The following SLC9A9 variants were observed in gnomAD, a reference collection of about 807,000 sequenced individuals.
The protein encoded by SLC9A9 is sodium/hydrogen exchanger 9.
A neutral mutation model predicts 77.8 loss-of-function variants in SLC9A9; 62 were observed. The observed-to-expected ratio is 0.80, with a 90% CI of 0.65 to 0.98. The LOEUF is 0.98. Ranked by LOEUF, SLC9A9 falls within the 50% of genes least tolerant of loss-of-function variation. SLC9A9 has a pLI of 0.00. For missense variants in SLC9A9, 775 were observed against 774.9 expected (o/e 1.00, Z 0.00); for synonymous variants, 320 against 283.5 (o/e 1.13, Z -1.29).
intron 12 of SLC9A9, among the ~76,000 whole-genome samples, chr3:143,455,016 C>T (rs991591330): frequency 2.6e-5 from 4 of 152,178 alleles, no homozygotes; most frequent in Admixed American, 2.0e-4. Context: ...ATTTCAAAGT[C>T]TACTGTGTCA....
intron 9 of SLC9A9, among the ~76,000 whole-genome samples, chr3:143,503,081 T>C (rs2108598114): frequency 6.6e-6 from 1 of 152,312 alleles, no homozygotes; most frequent in South Asian, 2.1e-4. Flanking sequence ...TTGGGCTGAG[T>C]ACGGGGACTC....
chr3:143,799,184 A>G (rs944085581), intron 2 of SLC9A9, among the ~76,000 whole-genome samples: 10 of 152,184 alleles, frequency 6.6e-5, no homozygotes, highest in Admixed American at 1.3e-4. Context: ...TTCATCAAGT[A>G]TAAAAACCCA....
intron 14 of SLC9A9, among the ~76,000 whole-genome samples, chr3:143,325,405 C>T (rs1309068178): frequency 6.6e-6 from 1 of 152,212 alleles, no homozygotes; most frequent in Non-Finnish European, 1.5e-5. Context: ...TTTCCTAACC[C>T]TCTATAACCT....
intron 8 of SLC9A9, among the ~76,000 whole-genome samples, chr3:143,556,133 TTTAA>T (rs1210521970): frequency 6.6e-6 from 1 of 152,206 alleles, no homozygotes; most frequent in Admixed American, 6.5e-5. Context: ...GAAAGAACAT[TTTAA>T]TTATCACTAT....
intron 9 of SLC9A9, among the ~76,000 whole-genome samples, chr3:143,549,312 G>A (rs1174764800): frequency 3.3e-5 from 5 of 152,160 alleles, no homozygotes; most frequent in Admixed American, 6.5e-5. Context: ...GTTTACTACA[G>A]TATGGGATGT....
chr3:143,410,266 C>T (rs1039714574), intron 12 of SLC9A9, among the ~76,000 whole-genome samples: 2 of 152,164 alleles, frequency 1.3e-5, no homozygotes, highest in Non-Finnish European at 2.9e-5. Context: ...CAGCCCTGTA[C>T]TGGGGACACA....
chr3:143,543,611 A>G (rs1453089773), intron 9 of SLC9A9, among the ~76,000 whole-genome samples: 1 of 151,950 alleles, frequency 6.6e-6, no homozygotes, highest in East Asian at 1.9e-4. Flanking sequence ...CCCAACGTTT[A>G]TCTCCCATTT....
At chr3:143,598,089 C>T (rs899476260) in intron 6 of SLC9A9, among the ~76,000 whole-genome samples, 1 of 152,040 alleles carries the variant, frequency 6.6e-6, no homozygotes, top group Non-Finnish European at 1.5e-5. Flanking sequence ...TGCTTTTGAA[C>T]ACATTCTCAA....
intron 9 of SLC9A9, among the ~76,000 whole-genome samples, chr3:143,514,466 A>T (rs1249742143): frequency 6.6e-6 from 1 of 152,166 alleles, no homozygotes; most frequent in African/African-American, 2.4e-5. Context: ...CCAGGCATTG[A>T]CTTCTCTCCA....
At chr3:143,366,436 A>G (rs1158015749) in intron 13 of SLC9A9, among the ~76,000 whole-genome samples, 1 of 152,232 alleles carries the variant, frequency 6.6e-6, no homozygotes, top group East Asian at 1.9e-4. Context: ...TCCAAAGAGA[A>G]TGTTTTTCTG....
At chr3:143,337,238 C>G (rs2031953693) in intron 14 of SLC9A9, among the ~76,000 whole-genome samples, 1 of 152,152 alleles carries the variant, frequency 6.6e-6, no homozygotes, top group African/African-American at 2.4e-5. Flanking sequence ...TTTTCAGCCT[C>G]AGAGAGATCA....
chr3:143,544,600 T>A (rs1009491045), intron 9 of SLC9A9, among the ~76,000 whole-genome samples: 3 of 152,208 alleles, frequency 2.0e-5, no homozygotes, highest in Non-Finnish European at 2.9e-5. Context: ...GTGAATATTT[T>A]CTCCCATTAT....
At position 143,848,009 on chromosome 3, in the gene SLC9A9, G is replaced by A. The variant is rs2009865164; in HGVS notation, c.175+139C>T. On this transcript the variant is annotated intron_variant, in intron 1 of 15. Transcript: ENST00000316549. ...CTGTAAAGAGATTAGCATTCGTTAC[G>A]CTGCAGCACCTTTCATCAAACTAAT... The A allele has an allele frequency of 6.7e-6, 6 of 896,736 alleles. No homozygotes were observed. The South Asian group carries it at 7.5e-5, about 11-fold the overall frequency. 55.5% of individuals were successfully genotyped at this position (896,736 alleles called of 1,614,324 possible).
At chr3:143,334,697 T>TG (rs1477819849) in intron 14 of SLC9A9, among the ~76,000 whole-genome samples, 2 of 152,220 alleles carry the variant, frequency 1.3e-5, no homozygotes, top group African/African-American at 4.8e-5. Context: ...TAAAGTGACC[T>TG]GAGTCATTTT....
At chr3:143,521,445 A>G (rs900772192) in intron 9 of SLC9A9, among the ~76,000 whole-genome samples, 1 of 152,170 alleles carries the variant, frequency 6.6e-6, no homozygotes, top group South Asian at 2.1e-4. Context: ...CTTCATGTAT[A>G]ATTCAATAAC....
chr3:143,797,885 G>T (rs1576733622), intron 2 of SLC9A9, among the ~76,000 whole-genome samples: 1 of 152,136 alleles, frequency 6.6e-6, no homozygotes, highest in East Asian at 1.9e-4. Context: ...TGATTAAAAA[G>T]CTTTATTGCT....
chr3:143,498,600 GA>G (rs1198735332), intron 9 of SLC9A9, among the ~76,000 whole-genome samples: 1 of 149,432 alleles, frequency 6.7e-6, no homozygotes, highest in Non-Finnish European at 1.5e-5. Flanking sequence ...GAGAAGGAAA[GA>G]AAAAAAAGAA....
chr3:143,381,183 T>C (rs1471847028), intron 13 of SLC9A9, among the ~76,000 whole-genome samples: 1 of 152,168 alleles, frequency 6.6e-6, no homozygotes, highest in Non-Finnish European at 1.5e-5. Context: ...TTTGGCTGTG[T>C]TCCACTCAAA....
At position 143,265,994 on chromosome 3, in the gene SLC9A9, T is replaced by C; in HGVS notation, c.*708A>G. ...TGGTATGGGGAGAAGAAACCTGGTT[T>C]TCTTGGAATGGTCCTACTAAGCTTG... On this transcript the variant is annotated 3_prime_UTR_variant, in exon 16 of 16. Transcript: ENST00000316549. 1 of 694,764 alleles carries C rather than the reference T, an allele frequency of 1.4e-6. No individual in the cohort carries two copies. Among genetic ancestry groups the C allele is most frequent in the Non-Finnish European group, 2.6e-6 (1 of 381,394 alleles). The allele number at this position is 694,764 out of a possible 1,614,324, so 43.0% of individuals were successfully genotyped here. A position where few individuals can be genotyped will look rare whatever the true frequency, so the allele number is the denominator to read the frequency against.
Sources: allele counts gnomAD v4.1 joint callset (sites outside exome capture counted in the v4.1 genomes callset), GRCh38; gene constraint gnomAD v4.1.1; transcripts MANE v1.5; gene names NCBI Gene and HGNC (gene_info 2026-07-23, HGNC 2026-07-21).